The following CYP2F1 variants were observed in gnomAD, a reference collection of about 807,000 sequenced individuals.
CYP2F1 encodes the protein cytochrome P450 2F1.
Under a neutral mutation model 40.4 loss-of-function variants are expected in CYP2F1, and 33 were observed. The observed-to-expected ratio is 0.82, with a 90% confidence interval of 0.62 to 1.09. The LOEUF (loss-of-function observed/expected upper bound fraction) is 1.09. CYP2F1 is among the 50% of genes least tolerant of loss of function. The pLI is 0.00. For synonymous variants in CYP2F1, 235 were observed against 277.2 expected (o/e 0.85, Z 1.51); for missense variants, 566 against 655.7 (o/e 0.86, Z 1.49).
chr19:41,123,006 C>A, intron 7 of CYP2F1, 43 bp downstream of exon 7: 1 of 1,584,362 alleles, frequency 6.3e-7, no homozygotes. Context: ...CCCATGTGTT[C>A]CAGCCTCACC....
chr19:41,120,516 AG>A lies in CYP2F1; in HGVS notation c.484+22del. On this transcript the variant is annotated intron_variant, in intron 4 of 9. Transcript: ENST00000331105. ...CTGAAGGTCAGGAATTTTTTTTAAC[AG>A]GCTGGATGGCACGATCTTTTTTTTT... 6.3e-7 allele frequency: 1 copy of A among 1,599,722 alleles called. No homozygotes were observed. The highest frequency in any genetic ancestry group is 8.5e-7 in the Non-Finnish European group (1 of 1,175,920).
At chr19:41,122,336 G>A (rs1014656848) in intron 6 of CYP2F1, among the ~76,000 whole-genome samples, 11 of 152,002 alleles carry the variant, frequency 7.2e-5, no homozygotes, top group Admixed American at 7.2e-4. Context: ...GTCATCAAAG[G>A]AGGTGGGGCA....
At chr19:41,126,523 G>A (rs545963002) in intron 9 of CYP2F1, among the ~76,000 whole-genome samples, 8 of 152,152 alleles carry the variant, frequency 5.3e-5, no homozygotes, top group African/African-American at 1.9e-4. Context: ...AGGCTGAGGC[G>A]GGAGGATCGC....
At position 41,120,465 on chromosome 19, in the gene CYP2F1, C is replaced by A; in HGVS notation, c.453C>A (p.Ser151Arg). ...SIEERILEEG[S>R]FLLAELRKTE... ...AGGAGCGAATCCTAGAGGAGGGCAG[C>A]TTCCTGCTGGCGGAGCTGCGGAAAA... Residue 151 changes from serine to arginine, a missense_variant, in exon 4 of 10, where the codon AGC becomes AGA. Around this residue, in one of 5 missense-constraint regions of CYP2F1, gnomAD observed 264 missense variants for 275.7 expected, o/e 0.96. Transcript: ENST00000331105. 1 of 1,613,642 alleles carries A rather than the reference C, an allele frequency of 6.2e-7. No individual in the cohort carries two copies. The highest frequency in any genetic ancestry group is 1.1e-5 in the South Asian group (1 of 91,060).
rs763970224 is a variant in CYP2F1, at chr19:41,122,008, C to T, written c.697C>T (p.Arg233Cys). ...GGACTGGGTGCCTGGGCCGCACCAA[C>T]GCATCTTCCAGAACTTCAAGTGCCT... Reference protein sequence around the residue: ...LLDWVPGPHQRIFQNFKCLRD... With the variant: ...LLDWVPGPHQCIFQNFKCLRD... Residue 233 changes from arginine (R) to cysteine (C), a missense_variant, in exon 6 of 10, where the codon CGC becomes TGC. Physicochemically the swap from Arg to Cys is radical, Grantham distance 180. Around this residue, in one of 5 missense-constraint regions of CYP2F1, gnomAD observed 62 missense variants for 105.6 expected, o/e 0.59. Transcript: ENST00000331105. 6 of 1,613,240 alleles carry T rather than the reference C, an allele frequency of 3.7e-6. No homozygotes were observed. Among genetic ancestry groups the T allele is most frequent in the Non-Finnish European group, 5.1e-6 (6 of 1,179,740 alleles).
chr19:41,121,330 C>A, intron 4 of CYP2F1, 128 bp from the exon 5 acceptor site: 1 of 946,416 alleles, frequency 1.1e-6, no homozygotes, highest in East Asian at 2.6e-5. Flanking sequence ...GACCATGTCC[C>A]CGTGTTTGCA....
At chr19:41,122,608 A>G (rs2032292183) in intron 6 of CYP2F1, among the ~76,000 whole-genome samples, 1 of 152,124 alleles carries the variant, frequency 6.6e-6, no homozygotes, top group South Asian at 2.1e-4. Context: ...ATTTTTTAAA[A>G]AAACAAGAAG....
In CYP2F1 at chr19:41,124,735, G is replaced by C. The variant is rs1208507741; in HGVS notation, c.981G>C (p.Glu327Asp). The C allele has an allele frequency of 3.1e-6, 5 of 1,603,348 alleles. No individual in the cohort carries two copies. The highest frequency in any genetic ancestry group is 2.7e-5 in the African/African-American group (2 of 74,918). The change falls in exon 8 of 10, where the codon GAG becomes GAC. Residue 327 changes from glutamate (E) to aspartate (D), a missense_variant. Transcript: ENST00000331105. ...CCTCTCCAGCCCGCGTGCAGGAGGAGATCGACCTCGTGGTGGGACGCGCGC... is the reference window on the plus strand; with the variant it reads ...CCTCTCCAGCCCGCGTGCAGGAGGACATCGACCTCGTGGTGGGACGCGCGC... ...YPKVQARVQEEIDLVVGRARL... is the reference protein window; with the variant it reads ...YPKVQARVQEDIDLVVGRARL...
chr19:41,127,762 C>T lies in CYP2F1; in HGVS notation c.1295-139C>T. 4.4e-6 allele frequency: 3 copies of T among 685,192 alleles called. No homozygotes were observed. In the South Asian group the frequency reaches 5.8e-5, roughly 13 times the overall value. 42.4% of individuals were successfully genotyped at this position (685,192 alleles called of 1,614,324 possible). Reference sequence around the variant, plus strand: ...ACTCCACAGTTTAAAGCATCTTTCCCAGTTCTTTACATGGGTGAATCTGTG... The same window carrying T: ...ACTCCACAGTTTAAAGCATCTTTCCTAGTTCTTTACATGGGTGAATCTGTG... On this transcript the variant is annotated intron_variant, in intron 9 of 9. Coordinates refer to ENST00000331105, the MANE Select transcript of CYP2F1 (RefSeq NM_000774.5).
At chr19:41,117,830 CTTTATTTATTTATTTATTTA>C (rs71896870) in intron 3 of CYP2F1, among the ~76,000 whole-genome samples, 2 of 149,670 alleles carry the variant, frequency 1.3e-5, no homozygotes, top group South Asian at 2.1e-4. Flanking sequence ...GGTCTTCAAA[CTTTATTTATTTATTTATTTA>C]TTTATTTATT....
intron 3 of CYP2F1, among the ~76,000 whole-genome samples, chr19:41,118,935 C>T (rs925221985): frequency 3.9e-5 from 6 of 152,164 alleles, no homozygotes; most frequent in African/African-American, 1.4e-4. Context: ...ATAAACACAT[C>T]TGAGACTTTA....
At position 41,124,709 on chromosome 19, in the gene CYP2F1, T is replaced by C; in HGVS notation, c.965-10T>C. On this transcript the variant is annotated splice_polypyrimidine_tract_variant and intron_variant, in intron 7 of 9. Transcript: ENST00000331105. ...GATACCCTCGACCCCGCTTCCCGCT[T>C]CCTCTCCAGCCCGCGTGCAGGAGGA... The C allele has an allele frequency of 6.3e-7, 1 of 1,598,180 alleles. No individual in the cohort carries two copies. Among genetic ancestry groups the C allele is most frequent in the African/African-American group, 1.3e-5 (1 of 74,960 alleles).
chr19:41,124,689 C>T lies in CYP2F1; in HGVS notation c.965-30C>T, dbSNP rs781234221. 12 of 1,589,908 alleles carry T rather than the reference C, an allele frequency of 7.5e-6. 1 individual carries two copies. The South Asian group carries it at 1.3e-4, about 18-fold the overall frequency. ...GTTGCCCTGTCGCGCCCGCTGATAC[C>T]CTCGACCCCGCTTCCCGCTTCCTCT... On this transcript the variant is annotated intron_variant, in intron 7 of 9. Transcript: ENST00000331105.
At chr19:41,124,127 G>A (rs1332670994) in intron 7 of CYP2F1, among the ~76,000 whole-genome samples, 1 of 151,360 alleles carries the variant, frequency 6.6e-6, no homozygotes, top group Non-Finnish European at 1.5e-5. Flanking sequence ...TGGATTCCAG[G>A]CCTCCCTGAA....
intron 3 of CYP2F1, 136 bp downstream of exon 3, chr19:41,116,753 C>T (rs1476594639): frequency 3.4e-5 from 35 of 1,021,546 alleles, no homozygotes; most frequent in South Asian, 7.5e-5. Context: ...TGCAATGCAG[C>T]GAGGCAGTGT....
rs765985687 is a variant in CYP2F1, at chr19:41,124,794, C to G, written c.1040C>G (p.Pro347Arg). Residue 347 changes from proline to arginine, a missense_variant, in exon 8 of 10, where the codon CCT becomes CGT. Physicochemically the swap from Pro to Arg is moderately radical, Grantham distance 103. This residue lies in a region of CYP2F1 where 128 missense variants were observed against 121.0 expected (regional missense o/e 1.06). Transcript: ENST00000331105. The stretch of plus-strand genomic sequence containing the variant: ...GCGCTGAAGGACCGCGCGGCCATGC[C>G]TTACACAGACGCGGTGATCCACGAG... ...LPALKDRAAM[P>R]YTDAVIHEVQ... 1.9e-6 allele frequency: 3 copies of G among 1,611,222 alleles called. No homozygotes were observed. In the South Asian group the frequency reaches 3.3e-5, roughly 18 times the overall value.
chr19:41,124,251 C>CT (rs1318960899), intron 7 of CYP2F1, among the ~76,000 whole-genome samples: 1 of 103,222 alleles, frequency 9.7e-6, no homozygotes, highest in African/African-American at 4.0e-5. Flanking sequence ...CTCTTCCCCC[C>CT]CCCCTTTTTT....
At chr19:41,119,758 C>T (rs865908485) in intron 3 of CYP2F1, among the ~76,000 whole-genome samples, 411 of 106,994 alleles carry the variant, frequency 3.8e-3, no homozygotes, top group African/African-American at 0.01. Flanking sequence ...TACACACACA[C>T]ACACACACAC....
At chr19:41,124,692 C>T in intron 7 of CYP2F1, 27 bp from the exon 8 acceptor site, 4 of 1,591,122 alleles carry the variant, frequency 2.5e-6, no homozygotes, top group Non-Finnish European at 3.4e-6. Context: ...CTGATACCCT[C>T]GACCCCGCTT....
Sources: allele counts gnomAD v4.1 joint callset (sites outside exome capture counted in the v4.1 genomes callset), GRCh38; gene constraint gnomAD v4.1.1; regional missense constraint gnomAD v4.1.1; transcripts MANE v1.5; gene names NCBI Gene and HGNC (gene_info 2026-07-23, HGNC 2026-07-21).